Variants in MAPK14 observed in about 807,000 individuals in gnomAD.
MAPK14 encodes the protein mitogen-activated protein kinase 14, also known as CSAID-binding protein.
A neutral mutation model predicts 49.6 loss-of-function variants in MAPK14; 16 were observed. The ratio of observed to expected loss-of-function variants is 0.32; its 90% CI spans 0.22 to 0.49. The LOEUF (loss-of-function observed/expected upper bound fraction) is 0.49. Ranked by LOEUF, MAPK14 falls within the 20% of genes least tolerant of loss-of-function variation. The pLI, the probability that MAPK14 is intolerant of heterozygous loss-of-function variation, is 0.99. For missense variants in MAPK14, 200 were observed against 441.2 expected (o/e 0.45, Z 4.90); for synonymous variants, 142 against 158.0 (o/e 0.90, Z 0.76).
At chr6:36,069,608 C>T (rs1257044655) in intron 3 of MAPK14, among the ~76,000 whole-genome samples, 1 of 152,134 alleles carries the variant, frequency 6.6e-6, no homozygotes, top group Non-Finnish European at 1.5e-5. Context: ...GTCTCACCCT[C>T]GTTCTAAATT....
chr6:36,081,446 CT>C (rs1764757274), intron 8 of MAPK14, among the ~76,000 whole-genome samples: 1 of 152,196 alleles, frequency 6.6e-6, no homozygotes. Flanking sequence ...GAGACTATTA[CT>C]TCCCCCATCG....
intron 1 of MAPK14, among the ~76,000 whole-genome samples, chr6:36,047,543 C>T (rs1379271952): frequency 6.6e-6 from 1 of 152,128 alleles, no homozygotes; most frequent in Non-Finnish European, 1.5e-5. Flanking sequence ...GTGTTGTGAT[C>T]TAATTTGTAC....
downstream of MAPK14, among the ~76,000 whole-genome samples, chr6:36,111,438 A>G (rs1765970359): frequency 6.6e-6 from 1 of 152,164 alleles, no homozygotes; most frequent in Non-Finnish European, 1.5e-5. Context: ...CATCTTTGAC[A>G]TTTGAGACTA....
At position 36,102,612 on chromosome 6, in the gene MAPK14, G is replaced by T. The variant is rs201624180; in HGVS notation, c.804G>T (p.Met268Ile). The change falls in exon 10 of 12, where the codon ATG (methionine) becomes ATT (isoleucine). Residue 268 changes from methionine (M) to isoleucine (I), a missense_variant. Physicochemically the swap from Met to Ile is conservative, Grantham distance 10. This residue lies in a region of MAPK14 where 170 missense variants were observed against 407.0 expected (regional missense o/e 0.42). Transcript: ENST00000229794. ...YIQSLTQMPK[M>I]NFANVFIGAN... ...AGTCTTTGACTCAGATGCCGAAGAT[G>T]AACTTTGCGAATGTATTTATTGGTG... The T allele has an allele frequency of 6.2e-7, 1 of 1,614,012 alleles. No individual in the cohort carries two copies. The highest frequency in any genetic ancestry group is 8.5e-7 in the Non-Finnish European group (1 of 1,179,932).
chr6:36,064,387 ATGAGT>A (rs1426687504), intron 3 of MAPK14, among the ~76,000 whole-genome samples: 1 of 151,546 alleles, frequency 6.6e-6, no homozygotes, highest in East Asian at 1.9e-4. Flanking sequence ...CTGAATTGTC[ATGAGT>A]TAAGTGGAAA....
intron 8 of MAPK14, among the ~76,000 whole-genome samples, chr6:36,084,436 AAT>A (rs907678065): frequency 1.3e-5 from 2 of 152,222 alleles, no homozygotes; most frequent in Non-Finnish European, 2.9e-5. Flanking sequence ...CAATGCAAAG[AAT>A]CTAAGAACCA....
At chr6:36,095,467 C>G (rs2127467260) in intron 8 of MAPK14, among the ~76,000 whole-genome samples, 1 of 152,326 alleles carries the variant, frequency 6.6e-6, no homozygotes, top group Admixed American at 6.5e-5. Context: ...ACAGGCCTTC[C>G]ACTGTCATAT....
intron 10 of MAPK14, 143 bp downstream of exon 10, chr6:36,102,792 CTATT>C: frequency 1.2e-5 from 17 of 1,433,838 alleles, no homozygotes; most frequent in South Asian, 5.5e-5. Flanking sequence ...CTTTTATTAT[CTATT>C]TGTGTTGTCA....
At chr6:36,112,571 G>A (rs1017392505), downstream of MAPK14, among the ~76,000 whole-genome samples, 8 of 152,260 alleles carry the variant, frequency 5.3e-5, no homozygotes, top group East Asian at 3.9e-4. Flanking sequence ...TTTTTGCAAC[G>A]TGATCATAGA....
intron 3 of MAPK14, among the ~76,000 whole-genome samples, chr6:36,061,798 ATTTC>A (rs1206858131): frequency 2.0e-5 from 3 of 152,248 alleles, no homozygotes; most frequent in Non-Finnish European, 4.4e-5. Flanking sequence ...AGGCCCAGTC[ATTTC>A]ACTGTAAAAT....
intron 6 of MAPK14, among the ~76,000 whole-genome samples, chr6:36,075,289 C>A (rs1764484986): frequency 6.6e-6 from 1 of 151,634 alleles, no homozygotes; most frequent in Admixed American, 6.6e-5. Context: ...TACCCCTCCA[C>A]CCCTAACTCT....
intron 10 of MAPK14, among the ~76,000 whole-genome samples, chr6:36,106,771 T>C (rs114416057): frequency 0.02 from 2,972 of 152,338 alleles, 40 homozygotes; most frequent in Middle Eastern, 0.061. Flanking sequence ...TTTTTCATAG[T>C]GAAATTTTTA....
chr6:36,074,139 A>G (rs1356899608), intron 6 of MAPK14, 43 bp downstream of exon 6: 1 of 1,537,798 alleles, frequency 6.5e-7, no homozygotes, highest in Non-Finnish European at 9.0e-7. Flanking sequence ...TTACTTTGAG[A>G]TTATATGTTT....
chr6:36,038,126 A>G (rs1197579513), intron 1 of MAPK14, among the ~76,000 whole-genome samples: 1 of 151,870 alleles, frequency 6.6e-6, no homozygotes, highest in Non-Finnish European at 1.5e-5. Context: ...AGGGAAGGAG[A>G]GTGAGTGCTA....
chr6:36,092,425 A>G (rs966926626), intron 8 of MAPK14: 39 of 675,318 alleles, frequency 5.8e-5, no homozygotes, highest in Admixed American at 2.7e-4. Flanking sequence ...AGAACGATAC[A>G]CTCGTAGTGA....
chr6:36,036,325 G>A (rs1263933186), intron 1 of MAPK14, among the ~76,000 whole-genome samples: 2 of 151,618 alleles, frequency 1.3e-5, no homozygotes, highest in African/African-American at 4.8e-5. Context: ...GTAGTTTCTT[G>A]AGGTGGAATC....
rs1366268840 is a variant in MAPK14, at chr6:36,108,467, T to G, written c.*20T>G. The G allele has an allele frequency of 6.3e-7, 1 of 1,597,378 alleles. No homozygotes were observed. Among genetic ancestry groups the G allele is most frequent in the African/African-American group, 1.3e-5 (1 of 74,608 alleles). On this transcript the variant is annotated 3_prime_UTR_variant, in exon 12 of 12. Coordinates refer to ENST00000229794, the MANE Select transcript of MAPK14 (RefSeq NM_139012.3). ...TCCTGAGCACCTGGTTTCTGTTCTG[T>G]TGATCCCACTTCACTGTGAGGGGAA...
rs556746983 is a variant in MAPK14 at position 36,042,760 on chromosome 6, C to T, written c.117-9939C>T. On this transcript the variant is annotated intron_variant, in intron 1 of 11. Coordinates refer to ENST00000229794, the MANE Select transcript of MAPK14 (RefSeq NM_139012.3). Reference sequence around the variant, plus strand: ...CAAGCTTCCTCCTGCCTCAGACTTCCGAAGTGCTAGGATTACAGGTGTGAG... The same window carrying T: ...CAAGCTTCCTCCTGCCTCAGACTTCTGAAGTGCTAGGATTACAGGTGTGAG... 1.3e-3 allele frequency among the ~76,000 whole-genome samples: 190 copies of T among 151,910 alleles called. No individual in the cohort carries two copies. In the Middle Eastern group the frequency reaches 0.014, roughly 11 times the overall value.
the MAPK14 span, among the ~76,000 whole-genome samples, chr6:36,123,646 T>A: frequency 6.6e-6 from 1 of 152,244 alleles, no homozygotes; most frequent in Non-Finnish European, 1.5e-5. Context: ...GCCAGGGGGC[T>A]CAGCAGTGGC....
Sources: gnomAD v4.1 joint callset for allele counts (sites outside exome capture counted in the v4.1 genomes callset) on GRCh38, gnomAD v4.1.1 for gene constraint, gnomAD v4.1.1 regional missense constraint, MANE v1.5 for transcripts, NCBI Gene and HGNC (gene_info 2026-07-23, HGNC 2026-07-21) for gene names.